TDP1: variants seen among roughly 807,000 people sequenced by gnomAD.
TDP1 encodes the protein tyrosyl-DNA phosphodiesterase 1, also known as tyr-DNA phosphodiesterase 1.
TDP1 carries 64 observed loss-of-function variants against 81.5 expected under a neutral mutation model. The observed-to-expected ratio is 0.79, with a 90% CI of 0.64 to 0.97. The LOEUF (loss-of-function observed/expected upper bound fraction) is 0.97, where lower values mean the gene tolerates loss of function less well. Ranked by LOEUF, TDP1 falls within the 50% of genes least tolerant of loss-of-function variation. TDP1 has a pLI of 0.00. For missense variants in TDP1, 723 were observed against 743.8 expected (o/e 0.97, Z 0.33); for synonymous variants, 256 against 264.3 (o/e 0.97, Z 0.30).
intron 11 of TDP1, 53 bp from the exon 12 acceptor site, chr14:89,989,654 ATTATCATTCC>A: frequency 7.5e-7 from 1 of 1,337,664 alleles, no homozygotes; most frequent in Non-Finnish European, 1.1e-6. Context: ...TTAAAAGCTG[ATTATCATTCC>A]TTTTCTTCAA....
chr14:90,043,441 G>A lies in TDP1; in HGVS notation c.*298G>A, dbSNP rs1888555066. 4.1e-6 allele frequency: 2 copies of A among 488,126 alleles called. No individual in the cohort carries two copies. Among genetic ancestry groups the A allele is most frequent in the Non-Finnish European group, 7.4e-6 (2 of 270,410 alleles). 30.2% of individuals were successfully genotyped at this position (488,126 alleles called of 1,614,324 possible). ...CTGTCTGAAATGCTTGGGACCAGAA[G>A]TGTTTCAGCTTTTGGATTTTTTTGA... On this transcript the variant is annotated 3_prime_UTR_variant, in exon 17 of 17. Coordinates refer to ENST00000335725, the MANE Select transcript of TDP1 (RefSeq NM_018319.4).
chr14:90,030,651 C>T (rs963518723), intron 15 of TDP1, among the ~76,000 whole-genome samples: 1 of 152,192 alleles, frequency 6.6e-6, no homozygotes, highest in Admixed American at 6.5e-5. Context: ...AGGAAAGGAA[C>T]TTTAGTTCCA....
chr14:89,955,002 A>G (rs1596478004), upstream of TDP1: 4 of 372,194 alleles, frequency 1.1e-5, no homozygotes, highest in East Asian at 2.1e-4. Flanking sequence ...TGCCTGGTTC[A>G]TGATTTATTT....
intron 8 of TDP1, among the ~76,000 whole-genome samples, chr14:89,983,956 A>T (rs568825874): frequency 6.6e-6 from 1 of 152,270 alleles, no homozygotes; most frequent in Non-Finnish European, 1.5e-5. Flanking sequence ...AGTATAAGAC[A>T]TAAAAATATG....
intron 14 of TDP1, among the ~76,000 whole-genome samples, chr14:90,016,007 T>C (rs938040193): frequency 6.6e-6 from 1 of 152,110 alleles, no homozygotes; most frequent in Admixed American, 6.6e-5. Flanking sequence ...GAGATTCTTA[T>C]ATTTGGAGAG....
At position 89,991,947 on chromosome 14, in the gene TDP1, C is replaced by T. The variant is rs148525862; in HGVS notation, c.1397C>T (p.Thr466Ile). ...GGCTCTCTTCCCTATAGCATCCAGA[C>T]AGCTGAAAAACAGAATTGGCTGCAT... is the stretch of plus-strand genomic sequence containing the variant. The part of the protein sequence containing the change: ...AGGSLPYSIQ[T>I]AEKQNWLHSY... Residue 466 changes from threonine (T) to isoleucine (I), a missense_variant, in exon 13 of 17, where the codon ACA becomes ATA. Physicochemically the swap from Thr to Ile is moderately conservative, Grantham distance 89. Coordinates refer to ENST00000335725, the MANE Select transcript of TDP1 (RefSeq NM_018319.4). 3 of 1,612,438 alleles carry T rather than the reference C, an allele frequency of 1.9e-6. No homozygotes were observed. The highest frequency in any genetic ancestry group is 1.3e-5 in the African/African-American group (1 of 74,870).
chr14:89,989,582 A>C (rs1895958530), intron 11 of TDP1, 135 bp from the exon 12 acceptor site: 3 of 1,115,880 alleles, frequency 2.7e-6, no homozygotes, highest in Non-Finnish European at 3.8e-6. Flanking sequence ...TAAGATGAGA[A>C]CTTTTAAAAA....
chr14:89,983,764 G>T (rs1436357372), intron 8 of TDP1, among the ~76,000 whole-genome samples: 1 of 152,166 alleles, frequency 6.6e-6, no homozygotes, highest in Non-Finnish European at 1.5e-5. Context: ...GATTAGATAT[G>T]ATTGTTTTCT....
At chr14:90,005,493 C>A (rs1301677676) in intron 14 of TDP1, among the ~76,000 whole-genome samples, 4 of 152,216 alleles carry the variant, frequency 2.6e-5, no homozygotes, top group Admixed American at 6.5e-5. Context: ...AAAGCATTAA[C>A]CATTTCCAAA....
chr14:90,041,772 C>T (rs776814032), intron 16 of TDP1, among the ~76,000 whole-genome samples: 1 of 152,176 alleles, frequency 6.6e-6, no homozygotes. Context: ...TTACGGTCTA[C>T]CCATATTATA....
At chr14:89,976,968 A>ACATG (rs1178367586) in intron 7 of TDP1, among the ~76,000 whole-genome samples, 1 of 152,098 alleles carries the variant, frequency 6.6e-6, no homozygotes, top group Non-Finnish European at 1.5e-5. Flanking sequence ...AATCTGGCCA[A>ACATG]CATGGTGAAA....
At chr14:89,984,761 G>T in intron 9 of TDP1, 78 bp downstream of exon 9, 1 of 1,602,362 alleles carries the variant, frequency 6.2e-7, no homozygotes, top group East Asian at 2.2e-5. Context: ...GGCATGCAGG[G>T]GCCTGGAAAG....
intron 7 of TDP1, among the ~76,000 whole-genome samples, chr14:89,977,216 G>A (rs1455307291): frequency 6.6e-6 from 1 of 152,186 alleles, no homozygotes; most frequent in Non-Finnish European, 1.5e-5. Flanking sequence ...TTAAGTATCT[G>A]TAGTTTACAT....
At chr14:90,013,534 C>A (rs1486876022) in intron 14 of TDP1, among the ~76,000 whole-genome samples, 1 of 152,224 alleles carries the variant, frequency 6.6e-6, no homozygotes, top group African/African-American at 2.4e-5. Flanking sequence ...CGTGAGGCCT[C>A]CCCCGCCATG....
At chr14:89,995,500 A>G (rs1035107796) in intron 14 of TDP1, among the ~76,000 whole-genome samples, 1 of 152,270 alleles carries the variant, frequency 6.6e-6, no homozygotes, top group Non-Finnish European at 1.5e-5. Context: ...TAAAAGAGGA[A>G]AAGGACATTG....
chr14:89,961,487 T>C (rs1892321080), intron 2 of TDP1, among the ~76,000 whole-genome samples: 1 of 152,156 alleles, frequency 6.6e-6, no homozygotes, highest in Admixed American at 6.5e-5. Flanking sequence ...AAGGTAGCAG[T>C]GTGTGATTTA....
chr14:90,020,643 C>A (rs946239211), intron 15 of TDP1, among the ~76,000 whole-genome samples: 1 of 100,534 alleles, frequency 9.9e-6, no homozygotes, highest in African/African-American at 4.4e-5. Context: ...CGCCTTCCTT[C>A]CTCCCTCCCT....
At chr14:90,034,606 C>T (rs1169056296) in intron 16 of TDP1, among the ~76,000 whole-genome samples, 1 of 152,146 alleles carries the variant, frequency 6.6e-6, no homozygotes, top group Non-Finnish European at 1.5e-5. Flanking sequence ...CAAACTCAGA[C>T]AGGATGAGAT....
In TDP1 at chr14:90,019,007, C is replaced by T. The variant is rs35827148; in HGVS notation, c.1542-309C>T. ...CCAGAAATCCTGGCTACTCCAGGAT[C>T]GTGAAAAGAAAAGGGGCTTTAGAAC... On this transcript the variant is annotated intron_variant, in intron 14 of 16. Coordinates refer to ENST00000335725, the MANE Select transcript of TDP1 (RefSeq NM_018319.4). 1.1e-4 allele frequency: 108 copies of T among 983,486 alleles called. No homozygotes were observed. The Admixed American group carries it at 1.5e-3, about 13-fold the overall frequency. The allele number at this position is 983,486 out of a possible 1,614,324, so 60.9% of individuals were successfully genotyped here.
Sources: allele counts gnomAD v4.1 joint callset (sites outside exome capture counted in the v4.1 genomes callset), GRCh38; gene constraint gnomAD v4.1.1; transcripts MANE v1.5; gene names NCBI Gene and HGNC (gene_info 2026-07-23, HGNC 2026-07-21).